The following RAB7B variants were observed in gnomAD, a reference collection of about 807,000 sequenced individuals.
RAB7B encodes ras-related protein Rab-7b.
At position 205,978,574 on chromosome 1, in the gene RAB7B, C is replaced by G. The variant is rs1234247066; in HGVS notation, c.*277G>C. On this transcript the variant is annotated 3_prime_UTR_variant, in exon 6 of 6. Coordinates refer to ENST00000617070, the MANE Select transcript of RAB7B (RefSeq NM_001164522.3). Reference sequence around the variant, plus strand: ...GGTGGATGGGTGGGGAAAGCTGGAGCCACTGCGGAAACGGTGACTTCTGCA... The same window carrying G: ...GGTGGATGGGTGGGGAAAGCTGGAGGCACTGCGGAAACGGTGACTTCTGCA... The G allele has an allele frequency of 3.3e-6, 1 of 303,184 alleles. No individual in the cohort carries two copies. Among genetic ancestry groups the G allele is most frequent in the African/African-American group, 2.2e-5 (1 of 46,404 alleles). 18.8% of individuals were successfully genotyped at this position (303,184 alleles called of 1,614,324 possible). A position where few individuals can be genotyped will look rare whatever the true frequency, so the allele number is the denominator to read the frequency against.
intron 4 of RAB7B, among the ~76,000 whole-genome samples, chr1:205,989,437 C>T (rs1004445675): frequency 6.6e-6 from 1 of 152,122 alleles, no homozygotes; most frequent in African/African-American, 2.4e-5. Flanking sequence ...TGCCAGGTGC[C>T]CCTCATTCAC....
intron 4 of RAB7B, among the ~76,000 whole-genome samples, chr1:205,991,640 A>G (rs999942676): frequency 3.9e-5 from 6 of 152,202 alleles, no homozygotes; most frequent in African/African-American, 1.4e-4. Context: ...ATCATGCCAA[A>G]TGATGCCTCA....
chr1:205,995,567 A>G (rs1203899779), intron 1 of RAB7B, among the ~76,000 whole-genome samples: 1 of 152,218 alleles, frequency 6.6e-6, no homozygotes, highest in Admixed American at 6.5e-5. Flanking sequence ...GCTTTAAAAA[A>G]AAACTTACAA....
At position 205,997,746 on chromosome 1, in the gene RAB7B, A is replaced by G. The variant is rs969093209; in HGVS notation, c.-16-3595T>C. Among the ~76,000 whole-genome samples, 75 of 152,336 alleles carry G rather than the reference A, an allele frequency of 4.9e-4. 1 individual carries two copies. Among genetic ancestry groups the G allele is most frequent in the African/African-American group, 1.8e-3 (74 of 41,576 alleles). On this transcript the variant is annotated intron_variant, in intron 1 of 5. Transcript: ENST00000617070. Reference sequence around the variant, plus strand: ...AAGCATGGCTCTCGAAGTATTTGTTATCACTTTGGAAGGGTCCTAGGAGCA... The same window carrying G: ...AAGCATGGCTCTCGAAGTATTTGTTGTCACTTTGGAAGGGTCCTAGGAGCA...
rs1571786680 is a variant in RAB7B at position 205,976,807 on chromosome 1, AGTGCACAAGCTGC to A, written c.*2031_*2043del. ...TAGAAATGGTCCACAGGTCCACTGCAGTGCACAAGCTGCTGCATGCACACCGCACGTGACAATC... is the reference window on the plus strand; with the variant it reads ...TAGAAATGGTCCACAGGTCCACTGCATGCATGCACACCGCACGTGACAATC... On this transcript the variant is annotated 3_prime_UTR_variant, in exon 6 of 6. Transcript: ENST00000617070. The A allele has an allele frequency of 3.9e-5, 6 of 152,250 alleles. No individual in the cohort carries two copies. The highest frequency in any genetic ancestry group is 3.9e-4 in the Admixed American group (6 of 15,288). 9.4% of individuals were successfully genotyped at this position (152,250 alleles called of 1,614,324 possible).
At chr1:205,984,880 CCCTCCTCCCTG>C (rs1191413212) in intron 5 of RAB7B, among the ~76,000 whole-genome samples, 19 of 152,222 alleles carry the variant, frequency 1.2e-4, no homozygotes, top group Admixed American at 9.8e-4. Flanking sequence ...TCTTCCCTCT[CCCTCCTCCCTG>C]CCTCCTCCCA....
chr1:205,996,608 G>A (rs1660816418), intron 1 of RAB7B, among the ~76,000 whole-genome samples: 1 of 152,178 alleles, frequency 6.6e-6, no homozygotes, highest in African/African-American at 2.4e-5. Flanking sequence ...AGTTAAAATG[G>A]GAAGCCCCCA....
At chr1:205,995,384 A>G (rs1269408118) in intron 1 of RAB7B, among the ~76,000 whole-genome samples, 13 of 152,352 alleles carry the variant, frequency 8.5e-5, no homozygotes, top group African/African-American at 2.9e-4. Flanking sequence ...CAGCAATTCC[A>G]CTACAGGATA....
intron 1 of RAB7B, among the ~76,000 whole-genome samples, chr1:206,000,157 G>A (rs1483398991): frequency 3.9e-5 from 6 of 152,086 alleles, no homozygotes; most frequent in African/African-American, 1.2e-4. Context: ...ATCACTGAAC[G>A]TTTTATATAG....
At chr1:205,983,439 C>G (rs1488056212) in intron 5 of RAB7B, among the ~76,000 whole-genome samples, 3 of 152,190 alleles carry the variant, frequency 2.0e-5, no homozygotes, top group Non-Finnish European at 4.4e-5. Context: ...AATCACACCC[C>G]CCACAGCACT....
intron 1 of RAB7B, among the ~76,000 whole-genome samples, chr1:205,998,123 A>G (rs1660834320): frequency 6.6e-6 from 1 of 152,188 alleles, no homozygotes; most frequent in Non-Finnish European, 1.5e-5. Context: ...TGGGAGGCCA[A>G]GGTGGGCGGA....
intron 1 of RAB7B, among the ~76,000 whole-genome samples, chr1:205,995,075 C>T (rs1660788205): frequency 6.6e-6 from 1 of 151,966 alleles, no homozygotes; most frequent in African/African-American, 2.4e-5. Context: ...CACTTGGACA[C>T]AGGAAGGGGA....
In RAB7B at chr1:205,977,066, T is replaced by G. The variant is rs1660392459; in HGVS notation, c.*1785A>C. 1 of 151,884 alleles carries G rather than the reference T, an allele frequency of 6.6e-6. No individual in the cohort carries two copies. Among genetic ancestry groups the G allele is most frequent in the Non-Finnish European group, 1.5e-5 (1 of 68,018 alleles). 9.4% of individuals were successfully genotyped at this position (151,884 alleles called of 1,614,324 possible). On this transcript the variant is annotated 3_prime_UTR_variant, in exon 6 of 6. Coordinates refer to ENST00000617070, the MANE Select transcript of RAB7B (RefSeq NM_001164522.3). ...TGGCTCCCAAACTCCCCTGCTGACC[T>G]CCCCCCGGCCCCTAGGTGTACCTTC...
At chr1:205,984,841 A>G (rs1660561375) in intron 5 of RAB7B, among the ~76,000 whole-genome samples, 1 of 151,792 alleles carries the variant, frequency 6.6e-6, no homozygotes, top group African/African-American at 2.4e-5. Context: ...CTGGCCATCA[A>G]CCTAAACTGC....
intron 5 of RAB7B, among the ~76,000 whole-genome samples, chr1:205,983,137 T>G: frequency 6.6e-6 from 1 of 152,310 alleles, no homozygotes; most frequent in Non-Finnish European, 1.5e-5. Flanking sequence ...GTGGCCTTGC[T>G]GGCTTCATCA....
intron 4 of RAB7B, among the ~76,000 whole-genome samples, chr1:205,985,872 G>A (rs1189955145): frequency 6.9e-6 from 1 of 145,536 alleles, no homozygotes. Context: ...AACCTCCCAA[G>A]TGTCTCTAAC....
intron 1 of RAB7B, among the ~76,000 whole-genome samples, chr1:205,995,570 A>AG (rs1660800318): frequency 6.6e-6 from 1 of 152,114 alleles, no homozygotes; most frequent in South Asian, 2.1e-4. Context: ...TTAAAAAAAA[A>AG]CTTACAATTT....
chr1:205,992,556 A>G lies in RAB7B; in HGVS notation c.320T>C (p.Leu107Pro). ...EALDIWRGDV[L>P]AKIVPMEQSY... is the part of the protein sequence containing the mutation. ...CTGCTCCATGGGGACAATCTTGGCC[A>G]GGACATCACCCCGCCAGATATCCAG... The change falls in exon 4 of 6, where the codon CTG (leucine) becomes CCG (proline). Residue 107 changes from leucine to proline, a missense_variant. Physicochemically the swap from Leu to Pro is moderately conservative, Grantham distance 98. Transcript: ENST00000617070. 2.5e-6 allele frequency: 1 copy of G among 398,722 alleles called. No homozygotes were observed. Among genetic ancestry groups the G allele is most frequent in the Non-Finnish European group, 4.4e-6 (1 of 226,096 alleles). 24.7% of individuals were successfully genotyped at this position (398,722 alleles called of 1,614,324 possible). A position where few individuals can be genotyped will look rare whatever the true frequency, so the allele number is the denominator to read the frequency against.
chr1:205,991,605 C>G (rs942827506), intron 4 of RAB7B, among the ~76,000 whole-genome samples: 1 of 152,242 alleles, frequency 6.6e-6, no homozygotes, highest in African/African-American at 2.4e-5. Context: ...CCCTCTCTCC[C>G]TTTCTCCTTC....
Sources: gnomAD v4.1 joint callset for allele counts (sites outside exome capture counted in the v4.1 genomes callset) on GRCh38, gnomAD v4.1.1 for gene constraint, MANE v1.5 for transcripts, NCBI Gene and HGNC (gene_info 2026-07-23, HGNC 2026-07-21) for gene names.